The following STAT4 variants were observed in gnomAD, a reference collection of about 807,000 sequenced individuals.
STAT4 encodes the protein signal transducer and activator of transcription 4.
In STAT4, 42 loss-of-function variants were observed where a neutral mutation model predicts 110.5. The ratio of observed to expected loss-of-function variants is 0.38; its 90% CI spans 0.30 to 0.49. The LOEUF is 0.49. Ranked by LOEUF, STAT4 falls within the 20% of genes least tolerant of loss-of-function variation. The pLI is 0.95. For synonymous variants in STAT4, 284 were observed against 302.2 expected (o/e 0.94, Z 0.63); for missense variants, 632 against 887.9 (o/e 0.71, Z 3.66).
chr2:191,129,252 A>G lies in STAT4; in HGVS notation c.273+17361T>C, dbSNP rs560443305. Among the ~76,000 whole-genome samples, 67 of 152,276 alleles carry G rather than the reference A, an allele frequency of 4.4e-4. 1 individual carries two copies. The highest frequency in any genetic ancestry group is 1.5e-3 in the African/African-American group (64 of 41,554). On this transcript the variant is annotated intron_variant, in intron 3 of 23. Transcript: ENST00000392320. ...GCATGCAATGAAATTTTAAAATAAA[A>G]AATAGTAAATGGGTCAAAGGAGGAC... is the stretch of plus-strand genomic sequence containing the variant.
At chr2:191,103,471 C>G (rs114546165) in intron 3 of STAT4, among the ~76,000 whole-genome samples, 2,099 of 152,178 alleles carry the variant, frequency 0.014, 47 homozygotes, top group African/African-American at 0.048. Context: ...GTCCTTATTA[C>G]CAAAGTCAAG....
intron 3 of STAT4, among the ~76,000 whole-genome samples, chr2:191,132,825 G>C (rs1258493031): frequency 6.6e-6 from 1 of 150,388 alleles, no homozygotes; most frequent in Admixed American, 6.6e-5. Flanking sequence ...CGTGATCTCG[G>C]CTCACTGCAA....
chr2:191,115,562 G>C (rs771626981), intron 3 of STAT4, among the ~76,000 whole-genome samples: 25 of 152,218 alleles, frequency 1.6e-4, no homozygotes, highest in Non-Finnish European at 3.4e-4. Flanking sequence ...CATCTGCTTT[G>C]GTCTTGATGC....
Position 191,030,844 on chromosome 2 carries a change from T to C in STAT4, c.2220+128A>G, listed in dbSNP as rs1468765216. 1.2e-6 allele frequency: 1 copy of C among 806,166 alleles called. No homozygotes were observed. The highest frequency in any genetic ancestry group is 2.1e-6 in the Non-Finnish European group (1 of 485,782). 49.9% of individuals were successfully genotyped at this position (806,166 alleles called of 1,614,324 possible). On this transcript the variant is annotated intron_variant, in intron 23 of 23. Coordinates refer to ENST00000392320, the MANE Select transcript of STAT4 (RefSeq NM_003151.4). The surrounding 1 kb of genome is among the most constrained non-coding windows in gnomAD (Gnocchi z 4.4). ...CATCCAGACACCTTTTGTGTTATGC[T>C]CATGAATTTGTTCCAATAAATGTGT...
chr2:191,039,960 C>A lies in STAT4; in HGVS notation c.1336-663G>T, dbSNP rs1206498120. ...CAGATTCCTGTAGATGGTAAAATAC[C>A]CATTTGAGGAACTTTAACAACTCAT... On this transcript the variant is annotated intron_variant, in intron 15 of 23. Transcript: ENST00000392320. The surrounding 1 kb of genome is among the most constrained non-coding windows in gnomAD (Gnocchi z 4.7). 6.6e-6 allele frequency among the ~76,000 whole-genome samples: 1 copy of A among 152,078 alleles called. No individual in the cohort carries two copies. Among genetic ancestry groups the A allele is most frequent in the Non-Finnish European group, 1.5e-5 (1 of 68,016 alleles).
rs920416482 is a variant in STAT4 at position 191,133,085 on chromosome 2, G to C, written c.273+13528C>G. ...ATAGTTTTAAAAATTAACTTGAGTG[G>C]AATTTCTTTTGGGAAAAAATATTTC... On this transcript the variant is annotated intron_variant, in intron 3 of 23. Coordinates refer to ENST00000392320, the MANE Select transcript of STAT4 (RefSeq NM_003151.4). Among the ~76,000 whole-genome samples the C allele has an allele frequency of 4.0e-4, 60 of 150,994 alleles. 1 individual carries two copies. Among genetic ancestry groups the C allele is most frequent in the African/African-American group, 1.5e-3 (60 of 40,864 alleles).
intron 16 of STAT4, 101 bp from the exon 17 acceptor site, chr2:191,036,400 T>C (rs907680645): frequency 2.4e-6 from 3 of 1,232,478 alleles, no homozygotes; most frequent in Non-Finnish European, 3.4e-6. Flanking sequence ...CCCACACACA[T>C]ACTAGGAGTG....
intron 15 of STAT4, among the ~76,000 whole-genome samples, chr2:191,040,455 A>G (rs1696159464): frequency 6.6e-6 from 1 of 152,236 alleles, no homozygotes; most frequent in African/African-American, 2.4e-5. Flanking sequence ...CTGAGTGTTC[A>G]TGACTCAGGA....
At position 191,110,187 on chromosome 2, in the gene STAT4, C is replaced by T. The variant is rs1350536912; in HGVS notation, c.274-33862G>A. On this transcript the variant is annotated intron_variant, in intron 3 of 23. Coordinates refer to ENST00000392320, the MANE Select transcript of STAT4 (RefSeq NM_003151.4). This position sits in a 1 kb window ranked among gnomAD's most constrained non-coding sequence, Gnocchi z 4.5. ...CCACAAAACCATTCCTCAGTCTGCA[C>T]AAACATAGATTTGTGTTGATGTCAG... Among the ~76,000 whole-genome samples the T allele has an allele frequency of 6.6e-6, 1 of 152,112 alleles. No homozygotes were observed. The highest frequency in any genetic ancestry group is 2.4e-5 in the African/African-American group (1 of 41,426).
intron 3 of STAT4, among the ~76,000 whole-genome samples, chr2:191,114,971 C>T (rs554510473): frequency 3.7e-4 from 56 of 152,286 alleles, no homozygotes; most frequent in Non-Finnish European, 7.2e-4. Flanking sequence ...TACTGAATCG[C>T]ATATTAGTTT....
At chr2:191,093,525 A>G (rs1412091318) in intron 3 of STAT4, among the ~76,000 whole-genome samples, 1 of 152,240 alleles carries the variant, frequency 6.6e-6, no homozygotes, top group Non-Finnish European at 1.5e-5. Context: ...ACTAACAAAC[A>G]GAAAGGAATA....
rs1053442013 is a variant in STAT4, at chr2:191,144,324, C to T, written c.273+2289G>A. On this transcript the variant is annotated intron_variant, in intron 3 of 23. Coordinates refer to ENST00000392320, the MANE Select transcript of STAT4 (RefSeq NM_003151.4). This position sits in a 1 kb window ranked among gnomAD's most constrained non-coding sequence, Gnocchi z 4.7. ...TGAAGGTTTTCTTGTTGCACTGGAA[C>T]CTACATAGATTCTTTAGGGATGGAT... 1.3e-5 allele frequency among the ~76,000 whole-genome samples: 2 copies of T among 151,968 alleles called. No individual in the cohort carries two copies. Among genetic ancestry groups the T allele is most frequent in the African/African-American group, 4.8e-5 (2 of 41,366 alleles).
Position 191,142,763 on chromosome 2 carries a change from A to G in STAT4, c.273+3850T>C, listed in dbSNP as rs149382953. 1.6e-4 allele frequency among the ~76,000 whole-genome samples: 25 copies of G among 152,292 alleles called. No individual in the cohort carries two copies. The East Asian group carries it at 4.8e-3, about 29-fold the overall frequency. On this transcript the variant is annotated intron_variant, in intron 3 of 23. Transcript: ENST00000392320. The surrounding 1 kb of genome is among the most constrained non-coding windows in gnomAD (Gnocchi z 4.1). ...ATATCAATAAAAAAAGAATTATCAC[A>G]TGGGAGAAAAATCCAGAGAGTGAAA...
rs1324701660 is a variant in STAT4, at chr2:191,116,329, T to C, written c.273+30284A>G. Among the ~76,000 whole-genome samples the C allele has an allele frequency of 1.3e-5, 2 of 152,210 alleles. No individual in the cohort carries two copies. The highest frequency in any genetic ancestry group is 1.3e-4 in the Admixed American group (2 of 15,280). On this transcript the variant is annotated intron_variant, in intron 3 of 23. Transcript: ENST00000392320. This position sits in a 1 kb window ranked among gnomAD's most constrained non-coding sequence, Gnocchi z 4.1. Reference sequence around the variant, plus strand: ...ATTTCATCCTAAATTAATGCCCTTGTCAGCTGGTCTTGTGGCTGTGCAATT... The same window carrying C: ...ATTTCATCCTAAATTAATGCCCTTGCCAGCTGGTCTTGTGGCTGTGCAATT...
At chr2:191,088,285 G>A (rs1697694963) in intron 3 of STAT4, among the ~76,000 whole-genome samples, 1 of 151,938 alleles carries the variant, frequency 6.6e-6, no homozygotes, top group South Asian at 2.1e-4. Context: ...ACAAATCATT[G>A]GAATTTGAAA....
Position 191,138,041 on chromosome 2 carries a change from C to T in STAT4, c.273+8572G>A, listed in dbSNP as rs1025263471. On this transcript the variant is annotated intron_variant, in intron 3 of 23. Transcript: ENST00000392320. The surrounding 1 kb of genome is among the most constrained non-coding windows in gnomAD (Gnocchi z 4.3). ...ATTAAACTAAAAAGCTTCTGCACAG[C>T]AAAGGAAACAATCAGCAGAGTGAAG... 1.3e-5 allele frequency among the ~76,000 whole-genome samples: 2 copies of T among 152,010 alleles called. No individual in the cohort carries two copies. The highest frequency in any genetic ancestry group is 3.9e-4 in the East Asian group (2 of 5,194).
rs1389395566 is a variant in STAT4, at chr2:191,030,832, T to C, written c.2220+140A>G. On this transcript the variant is annotated intron_variant, in intron 23 of 23. Transcript: ENST00000392320. This position sits in a 1 kb window ranked among gnomAD's most constrained non-coding sequence, Gnocchi z 4.4. ...AACACGCAGGACCATCCAGACACCTTTTGTGTTATGCTCATGAATTTGTTC... is the reference window on the plus strand; with the variant it reads ...AACACGCAGGACCATCCAGACACCTCTTGTGTTATGCTCATGAATTTGTTC... 5 of 729,982 alleles carry C rather than the reference T, an allele frequency of 6.8e-6. No individual in the cohort carries two copies. Among genetic ancestry groups the C allele is most frequent in the Non-Finnish European group, 1.2e-5 (5 of 429,894 alleles). The allele number at this position is 729,982 out of a possible 1,614,324, so 45.2% of individuals were successfully genotyped here.
intron 4 of STAT4, among the ~76,000 whole-genome samples, chr2:191,073,897 T>A (rs1192587286): frequency 6.6e-6 from 1 of 152,206 alleles, no homozygotes; most frequent in Non-Finnish European, 1.5e-5. Flanking sequence ...ATAGTGAAAT[T>A]ACAGATAATT....
chr2:191,073,309 C>A, intron 4 of STAT4, 119 bp from the exon 5 acceptor site: 3 of 725,588 alleles, frequency 4.1e-6, no homozygotes, highest in Non-Finnish European at 6.9e-6. Context: ...ACTCTATAGT[C>A]ATTAAAAAAT....
Sources: gnomAD v4.1 joint callset for allele counts (sites outside exome capture counted in the v4.1 genomes callset) on GRCh38, gnomAD v4.1.1 for gene constraint, Gnocchi (gnomAD v3.1) non-coding constraint, MANE v1.5 for transcripts, NCBI Gene and HGNC (gene_info 2026-07-23, HGNC 2026-07-21) for gene names.